NELL2: variants seen among roughly 807,000 people sequenced by gnomAD.
NELL2 encodes neural EGFL like 2.
NELL2 carries 41 observed loss-of-function variants against 109.6 expected under a neutral mutation model. The ratio of observed to expected loss-of-function variants is 0.37; its 90% CI spans 0.29 to 0.49. The LOEUF (loss-of-function observed/expected upper bound fraction) is 0.49. Among genes scored for constraint, NELL2 ranks in the 20% least tolerant of loss-of-function variants. NELL2 has a pLI of 0.98. For synonymous variants in NELL2, 355 were observed against 344.7 expected (o/e 1.03, Z -0.33); for missense variants, 900 against 1,008.3 (o/e 0.89, Z 1.45).
chr12:44,680,648 A>G (rs1052608636), intron 12 of NELL2, among the ~76,000 whole-genome samples: 1 of 152,024 alleles, frequency 6.6e-6, no homozygotes, highest in African/African-American at 2.4e-5. Context: ...AGCCAGCACC[A>G]ATTTCCTAAC....
chr12:44,789,682 C>T (rs1166719147), intron 3 of NELL2, among the ~76,000 whole-genome samples: 1 of 151,808 alleles, frequency 6.6e-6, no homozygotes, highest in Non-Finnish European at 1.5e-5. Context: ...ATCAGGGAGA[C>T]ACCAGAGAAA....
chr12:44,718,472 C>G (rs1938604108), intron 9 of NELL2, among the ~76,000 whole-genome samples: 1 of 152,212 alleles, frequency 6.6e-6, no homozygotes, highest in South Asian at 2.1e-4. Context: ...CACATGTTTA[C>G]AGCCAGAGGC....
chr12:44,850,739 C>T (rs967869363), intron 2 of NELL2, among the ~76,000 whole-genome samples: 7 of 152,102 alleles, frequency 4.6e-5, no homozygotes, highest in African/African-American at 1.7e-4. Flanking sequence ...AACCCAGCAA[C>T]AAAACAAATA....
At chr12:44,541,191 C>CA (rs1041119972) in intron 15 of NELL2, among the ~76,000 whole-genome samples, 10 of 133,992 alleles carry the variant, frequency 7.5e-5, no homozygotes, top group African/African-American at 2.5e-4. Context: ...GCAGAGCTTG[C>CA]AGTGAGCCGA....
intron 12 of NELL2, among the ~76,000 whole-genome samples, chr12:44,686,173 C>T (rs1484818692): frequency 1.3e-5 from 2 of 152,108 alleles, no homozygotes; most frequent in Admixed American, 6.5e-5. Context: ...TTTCATCTTC[C>T]ATCGCTGATA....
At chr12:44,546,683 G>C (rs1232188726) in intron 15 of NELL2, among the ~76,000 whole-genome samples, 1 of 152,100 alleles carries the variant, frequency 6.6e-6, no homozygotes, top group Non-Finnish European at 1.5e-5. Flanking sequence ...TAAATTTTGT[G>C]TTCACTTTAA....
chr12:44,707,117 A>G (rs1439509823), intron 11 of NELL2, among the ~76,000 whole-genome samples: 1 of 152,108 alleles, frequency 6.6e-6, no homozygotes, highest in African/African-American at 2.4e-5. Flanking sequence ...CCTCGTTATC[A>G]CTCACCCCTA....
intron 13 of NELL2, among the ~76,000 whole-genome samples, chr12:44,657,334 T>C (rs1031610881): frequency 6.6e-6 from 1 of 152,154 alleles, no homozygotes; most frequent in East Asian, 1.9e-4. Context: ...AGAGAGAGTG[T>C]GTGTGCGGAT....
Position 44,741,698 on chromosome 12 carries a change from G to A in NELL2, c.995-26957C>T, listed in dbSNP as rs563793521. On this transcript the variant is annotated intron_variant, in intron 9 of 19. Coordinates refer to ENST00000429094, the MANE Select transcript of NELL2 (RefSeq NM_001145108.2). ...GAGGGTCCTACGCCCACAGAGTCTC[G>A]CTCATTACTAGCACAGCAGTCTGAG... 2.8e-3 allele frequency among the ~76,000 whole-genome samples: 433 copies of A among 152,308 alleles called. 2 individuals carry two copies. Among genetic ancestry groups the A allele is most frequent in the African/African-American group, 9.8e-3 (407 of 41,572 alleles).
At chr12:44,695,150 AGAGGGGAGG>A (rs1453981817) in intron 12 of NELL2, among the ~76,000 whole-genome samples, 1 of 139,434 alleles carries the variant, frequency 7.2e-6, no homozygotes. Flanking sequence ...AAGGAAGGAA[AGAGGGGAGG>A]GAGGGAGGAA....
At chr12:44,561,368 A>G (rs1943461628) in intron 15 of NELL2, among the ~76,000 whole-genome samples, 1 of 152,220 alleles carries the variant, frequency 6.6e-6, no homozygotes, top group Non-Finnish European at 1.5e-5. Context: ...GTATTCAAAT[A>G]GGAAGAGAGG....
intron 13 of NELL2, among the ~76,000 whole-genome samples, chr12:44,656,621 T>C (rs560797233): frequency 9.8e-5 from 15 of 152,336 alleles, no homozygotes; most frequent in Non-Finnish European, 2.1e-4. Context: ...AATAACTTTG[T>C]TTAATGTTTT....
Position 44,875,244 on chromosome 12 carries a change from C to T in NELL2, c.165G>A (p.Thr55=), listed in dbSNP as rs1042636981. ...GCATACCTTGAAAGAGAAAGGCTTT[C>T]GTCCCATTATGCAGCCCCGGGACCT... The part of the protein sequence containing the change: ...VRQVPGLHNG[T]KAFLFQDTPR... The change falls in exon 2 of 20, where the codon ACG becomes ACA. Residue 55 remains threonine, a synonymous_variant. Coordinates refer to ENST00000429094, the MANE Select transcript of NELL2 (RefSeq NM_001145108.2). 2.5e-6 allele frequency: 4 copies of T among 1,613,548 alleles called. No individual in the cohort carries two copies. Among genetic ancestry groups the T allele is most frequent in the African/African-American group, 1.3e-5 (1 of 74,896 alleles).
chr12:44,720,140 G>A (rs1347970458), intron 9 of NELL2, among the ~76,000 whole-genome samples: 1 of 151,976 alleles, frequency 6.6e-6, no homozygotes, highest in East Asian at 1.9e-4. Flanking sequence ...TCTCTACAAT[G>A]CTTAAATCTC....
chr12:44,684,633 G>T (rs562920801), intron 12 of NELL2, among the ~76,000 whole-genome samples: 1 of 152,194 alleles, frequency 6.6e-6, no homozygotes, highest in African/African-American at 2.4e-5. Flanking sequence ...GTTCTCGTTG[G>T]TTTCAAAGAA....
At chr12:44,769,492 T>C (rs1351321766) in intron 9 of NELL2, among the ~76,000 whole-genome samples, 3 of 152,110 alleles carry the variant, frequency 2.0e-5, no homozygotes, top group Non-Finnish European at 4.4e-5. Flanking sequence ...CAACTGGAAT[T>C]TTCCTACCTT....
At chr12:44,627,769 T>G (rs545594471) in intron 13 of NELL2, among the ~76,000 whole-genome samples, 1 of 152,224 alleles carries the variant, frequency 6.6e-6, no homozygotes, top group Non-Finnish European at 1.5e-5. Flanking sequence ...TTAGACATAG[T>G]AATAACAAAG....
chr12:44,650,742 G>A lies in NELL2; in HGVS notation c.1444+14742C>T, dbSNP rs1003650333. ...ATTGTCCTTATAAGAAGAGATACCA[G>A]AGAGGTCTCTGTCTTTCTTTCTTTC... On this transcript the variant is annotated intron_variant, in intron 13 of 19. Transcript: ENST00000429094. Among the ~76,000 whole-genome samples, 27 of 136,998 alleles carry A rather than the reference G, an allele frequency of 2.0e-4. 1 individual carries two copies. The allele number at this position is 136,998 out of a possible 152,430, so 89.9% of individuals were successfully genotyped here.
At chr12:44,854,688 ATGGATGGG>A (rs777437714) in intron 2 of NELL2, among the ~76,000 whole-genome samples, 2,635 of 100,492 alleles carry the variant, frequency 0.026, 146 homozygotes, top group Admixed American at 0.14. Flanking sequence ...GGATGGGTGG[ATGGATGGG>A]TGGATGGATG....
Sources: gnomAD v4.1 joint callset for allele counts (sites outside exome capture counted in the v4.1 genomes callset) on GRCh38, gnomAD v4.1.1 for gene constraint, MANE v1.5 for transcripts, NCBI Gene and HGNC (gene_info 2026-07-23, HGNC 2026-07-21) for gene names.